Variants in ATF6 observed in about 807,000 individuals in gnomAD.
ATF6 encodes cyclic AMP-dependent transcription factor ATF-6 alpha.
A neutral mutation model predicts 83.6 loss-of-function variants in ATF6; 53 were observed. The observed-to-expected ratio is 0.63, with a 90% CI of 0.51 to 0.80. ATF6 has a LOEUF of 0.80. Ranked by LOEUF, ATF6 falls within the 30% of genes least tolerant of loss-of-function variation. The pLI, the probability that ATF6 is intolerant of heterozygous loss-of-function variation, is 0.00. For synonymous variants in ATF6, 288 were observed against 285.8 expected (o/e 1.01, Z -0.08); for missense variants, 744 against 797.9 (o/e 0.93, Z 0.81).
At chr1:161,947,558 G>C (rs1688773606) in intron 15 of ATF6, among the ~76,000 whole-genome samples, 5 of 151,972 alleles carry the variant, frequency 3.3e-5, no homozygotes, top group Admixed American at 3.3e-4. Context: ...CGTTTTTATG[G>C]CTCAGAATAA....
chr1:161,932,673 G>A (rs566816156), intron 15 of ATF6, among the ~76,000 whole-genome samples: 1 of 152,246 alleles, frequency 6.6e-6, no homozygotes, highest in African/African-American at 2.4e-5. Context: ...ATGGCTTAAA[G>A]CAGCATTTGT....
chr1:161,846,360 G>A, intron 9 of ATF6, 89 bp from the exon 10 acceptor site: 1 of 1,399,188 alleles, frequency 7.1e-7, no homozygotes, highest in Non-Finnish European at 9.6e-7. Context: ...ATCTGCAAAG[G>A]AATTGTGGTT....
chr1:161,947,795 G>A (rs1346364675), intron 15 of ATF6, among the ~76,000 whole-genome samples: 3 of 129,946 alleles, frequency 2.3e-5, no homozygotes, highest in Non-Finnish European at 4.7e-5. Flanking sequence ...ATATTCCATA[G>A]TCCTTAAGCC....
intron 14 of ATF6, among the ~76,000 whole-genome samples, chr1:161,912,062 G>A (rs1011409737): frequency 3.9e-5 from 6 of 152,126 alleles, no homozygotes; most frequent in African/African-American, 1.2e-4. Context: ...AAACCTAGGA[G>A]TTTTCCAAGA....
At chr1:161,801,935 C>T (rs1039093855) in intron 6 of ATF6, 117 bp from the exon 7 acceptor site, 3 of 840,224 alleles carry the variant, frequency 3.6e-6, no homozygotes, top group Non-Finnish European at 5.7e-6. Flanking sequence ...TTGATGGTGT[C>T]CAATCCCTTG....
chr1:161,791,487 C>G lies in ATF6; in HGVS notation c.434C>G (p.Ala145Gly), dbSNP rs201470370. The G allele has an allele frequency of 1.2e-6, 2 of 1,612,096 alleles. No individual in the cohort carries two copies. The highest frequency in any genetic ancestry group is 1.3e-5 in the African/African-American group (1 of 74,862). ...YGENSNSLSS[A>G]EPLKEDKPVT... ...GAAAACTCTAATAGTCTCTCTTCAGCGGAGCCACTGAAGGAAGATAAGCCT... is the reference window on the plus strand; with the variant it reads ...GAAAACTCTAATAGTCTCTCTTCAGGGGAGCCACTGAAGGAAGATAAGCCT... Residue 145 changes from alanine (A) to glycine (G), a missense_variant, in exon 5 of 16, where the codon GCG becomes GGG. By Grantham distance (60) the Ala-to-Gly change is moderately conservative. Coordinates refer to ENST00000367942, the MANE Select transcript of ATF6 (RefSeq NM_007348.4).
intron 15 of ATF6, among the ~76,000 whole-genome samples, chr1:161,929,671 G>A (rs10918214): frequency 0.63 from 95,903 of 152,098 alleles, 32,026 homozygotes; most frequent in Non-Finnish European, 0.75. Flanking sequence ...AATCAGAGAA[G>A]ATTCAACACA....
rs1446317040 is a variant in ATF6, at chr1:161,963,469, T to A, written c.*4815T>A. On this transcript the variant is annotated 3_prime_UTR_variant, in exon 16 of 16. Coordinates refer to ENST00000367942, the MANE Select transcript of ATF6 (RefSeq NM_007348.4). ...CTAAAATACTTTTAATTATATTAGG[T>A]TTGGTAACTAAGGAGTAAATAAATC... is the stretch of plus-strand genomic sequence containing the variant. 1.3e-5 allele frequency: 2 copies of A among 152,178 alleles called. No individual in the cohort carries two copies. The highest frequency in any genetic ancestry group is 1.3e-4 in the Admixed American group (2 of 15,272). 9.4% of individuals were successfully genotyped at this position (152,178 alleles called of 1,614,324 possible).
At position 161,880,100 on chromosome 1, in the gene ATF6, G is replaced by T. The variant is rs899181854; in HGVS notation, c.1719+16788G>T. ...TACAAAAATAAAATCCTTGTGTTCA[G>T]ATTTCTGTCTTGAGTGGCTGGTTTG... On this transcript the variant is annotated intron_variant, in intron 14 of 15. Transcript: ENST00000367942. Among the ~76,000 whole-genome samples the T allele has an allele frequency of 5.3e-5, 8 of 152,034 alleles. No homozygotes were observed. In the East Asian group the frequency reaches 1.2e-3, roughly 22 times the overall value.
At chr1:161,947,744 G>T (rs924413786) in intron 15 of ATF6, among the ~76,000 whole-genome samples, 1 of 144,168 alleles carries the variant, frequency 6.9e-6, no homozygotes, top group Admixed American at 7.1e-5. Flanking sequence ...TAGTGTGCAA[G>T]ATAGTATATT....
chr1:161,887,892 C>A (rs28679701), intron 14 of ATF6, among the ~76,000 whole-genome samples: 44 of 152,332 alleles, frequency 2.9e-4, no homozygotes, highest in African/African-American at 9.1e-4. Flanking sequence ...AGACTATACT[C>A]TACACAGCTG....
Position 161,792,210 on chromosome 1 carries a change from A to G in ATF6, c.571A>G (p.Lys191Glu). ...PKPLLLPAAP[K>E]TQTNSSVPAK... ...GCCTTTATTGCTTCCAGCAGCACCCAAGACTCAAACAAACTCCAGTGTTCC... is the reference window on the plus strand; with the variant it reads ...GCCTTTATTGCTTCCAGCAGCACCCGAGACTCAAACAAACTCCAGTGTTCC... Residue 191 changes from lysine to glutamate, a missense_variant, in exon 6 of 16, where the codon AAG becomes GAG. Lys to Glu is a moderately conservative substitution (Grantham distance 56). Coordinates refer to ENST00000367942, the MANE Select transcript of ATF6 (RefSeq NM_007348.4). 4 of 1,614,154 alleles carry G rather than the reference A, an allele frequency of 2.5e-6. No individual in the cohort carries two copies. Among genetic ancestry groups the G allele is most frequent in the Non-Finnish European group, 2.5e-6 (3 of 1,180,000 alleles).
intron 15 of ATF6, among the ~76,000 whole-genome samples, chr1:161,939,826 G>A (rs1688610090): frequency 6.6e-6 from 1 of 152,206 alleles, no homozygotes; most frequent in Non-Finnish European, 1.5e-5. Flanking sequence ...ACTTGCTGAA[G>A]AGAATTTAGG....
At chr1:161,831,871 C>T (rs1266080725) in intron 9 of ATF6, among the ~76,000 whole-genome samples, 3 of 151,268 alleles carry the variant, frequency 2.0e-5, no homozygotes, top group Non-Finnish European at 4.4e-5. Flanking sequence ...GTGCAGCACA[C>T]CAATGTGGCA....
intron 9 of ATF6, 87 bp from the exon 10 acceptor site, chr1:161,846,362 A>G (rs1686486605): frequency 2.1e-6 from 3 of 1,404,166 alleles, no homozygotes; most frequent in Non-Finnish European, 2.9e-6. Context: ...CTGCAAAGGA[A>G]TTGTGGTTTG....
At chr1:161,834,974 G>A (rs1464283406) in intron 9 of ATF6, among the ~76,000 whole-genome samples, 3 of 152,142 alleles carry the variant, frequency 2.0e-5, no homozygotes, top group African/African-American at 7.2e-5. Flanking sequence ...ATTGACATCT[G>A]CAGCTCCTGA....
At chr1:161,938,068 C>G (rs756965206) in intron 15 of ATF6, among the ~76,000 whole-genome samples, 1 of 152,112 alleles carries the variant, frequency 6.6e-6, no homozygotes, top group Non-Finnish European at 1.5e-5. Flanking sequence ...GCCTTCTACC[C>G]TTGCTTCCTC....
intron 15 of ATF6, among the ~76,000 whole-genome samples, chr1:161,926,327 G>T (rs1558028387): frequency 6.6e-6 from 1 of 152,178 alleles, no homozygotes. Context: ...GTTTCTGAGG[G>T]TCAGGAATCT....
chr1:161,791,734 T>G (rs962549987), intron 5 of ATF6, among the ~76,000 whole-genome samples, 197 bp downstream of exon 5: 3 of 152,220 alleles, frequency 2.0e-5, no homozygotes, highest in African/African-American at 7.2e-5. Flanking sequence ...TGTCTCTGTC[T>G]TTACAGGTGA....
Sources: gnomAD v4.1 joint callset for allele counts (sites outside exome capture counted in the v4.1 genomes callset) on GRCh38, gnomAD v4.1.1 for gene constraint, MANE v1.5 for transcripts, NCBI Gene and HGNC (gene_info 2026-07-23, HGNC 2026-07-21) for gene names.